Variants in IBA57 observed in about 807,000 individuals in gnomAD.
IBA57 encodes the protein iron-sulfur cluster assembly factor IBA57, mitochondrial.
In IBA57, 20 loss-of-function variants were observed where a neutral mutation model predicts 20.4. That is an observed-to-expected ratio of 0.98 (90% confidence interval 0.69 to 1.42). The LOEUF is 1.42. Among genes scored for constraint, IBA57 ranks in the 40% most tolerant of loss-of-function variants. The pLI is 0.00. For missense variants in IBA57, 608 were observed against 499.3 expected, an observed-to-expected ratio of 1.22 and a Z score of -2.07; for synonymous variants, 310 against 233.9, an observed-to-expected ratio of 1.33 and a Z score of -2.97.
intron 1 of IBA57, among the ~76,000 whole-genome samples, chr1:228,173,963 C>A (rs2034963110): frequency 6.6e-6 from 1 of 152,240 alleles, no homozygotes; most frequent in Non-Finnish European, 1.5e-5. Context: ...GCAGGGCTTT[C>A]CATGCGCTGG....
rs370043210 is a variant in IBA57 at position 228,166,166 on chromosome 1, G to A, written c.341+9G>A. 3.2e-4 allele frequency: 472 copies of A among 1,454,186 alleles called. 1 individual carries two copies. Among genetic ancestry groups the A allele is most frequent in the Middle Eastern group, 1.8e-3 (10 of 5,576 alleles). 90.1% of individuals were successfully genotyped at this position (1,454,186 alleles called of 1,614,324 possible). A position where few individuals can be genotyped will look rare whatever the true frequency, so the allele number is the denominator to read the frequency against. On this transcript the variant is annotated intron_variant, in intron 1 of 2. Transcript: ENST00000366711. ...GACGTCATCTTGTACGGGTGAGCGC[G>A]TGCTGGGAGGGCGCTCGGGGGCGGG...
At chr1:228,169,629 A>G (rs2034897867) in intron 1 of IBA57, among the ~76,000 whole-genome samples, 2 of 152,146 alleles carry the variant, frequency 1.3e-5, no homozygotes, top group Admixed American at 1.3e-4. Context: ...ATGATGACAC[A>G]TGTCTACCAT....
Position 228,165,956 on chromosome 1 carries a change from C to A in IBA57, c.140C>A (p.Ala47Asp), listed in dbSNP as rs760990228. 2.6e-6 allele frequency: 4 copies of A among 1,512,868 alleles called. No homozygotes were observed. The Admixed American group carries it at 6.1e-5, about 23-fold the overall frequency. The allele number at this position is 1,512,868 out of a possible 1,614,324, so 93.7% of individuals were successfully genotyped here. The change falls in exon 1 of 3, where the codon GCC becomes GAC. Residue 47 changes from alanine to aspartate, a missense_variant. By Grantham distance (126) the Ala-to-Asp change is moderately radical (BLOSUM62 -2). Coordinates refer to ENST00000366711, the MANE Select transcript of IBA57 (RefSeq NM_001010867.4). ...GGTGGCGACCCAACGGCCGGAGCGGCCTGGGCCTGCTTCCGGCTGGACGGG... is the reference window on the plus strand; with the variant it reads ...GGTGGCGACCCAACGGCCGGAGCGGACTGGGCCTGCTTCCGGCTGGACGGG... ...SPGGDPTAGA[A>D]WACFRLDGRT...
intron 1 of IBA57, chr1:228,172,477 C>T (rs2034943097): frequency 1.3e-5 from 2 of 152,282 alleles, no homozygotes; most frequent in Admixed American, 6.5e-5. Flanking sequence ...CACCATAGTG[C>T]CCTCAGATCC....
At position 228,179,476 on chromosome 1, in the gene IBA57, G is replaced by A. The variant is rs1290480723; in HGVS notation, c.*3963G>A. 1.3e-5 allele frequency: 2 copies of A among 152,206 alleles called. No individual in the cohort carries two copies. The highest frequency in any genetic ancestry group is 4.8e-5 in the African/African-American group (2 of 41,450). The allele number at this position is 152,206 out of a possible 1,614,324, so 9.4% of individuals were successfully genotyped here. On this transcript the variant is annotated 3_prime_UTR_variant, in exon 3 of 3. Coordinates refer to ENST00000366711, the MANE Select transcript of IBA57 (RefSeq NM_001010867.4). ...AATATGAGATGGGATGAGACAAGAAGATGGAGAGTTTAGTATGACATCCGC... is the reference window on the plus strand; with the variant it reads ...AATATGAGATGGGATGAGACAAGAAAATGGAGAGTTTAGTATGACATCCGC...
At position 228,175,351 on chromosome 1, in the gene IBA57, A is replaced by G; in HGVS notation, c.909A>G (p.Ser303=). 6.2e-7 allele frequency: 1 copy of G among 1,612,990 alleles called. No individual in the cohort carries two copies. The highest frequency in any genetic ancestry group is 8.5e-7 in the Non-Finnish European group (1 of 1,179,984). The change falls in exon 3 of 3, where the codon TCA becomes TCG. Residue 303 remains serine (S), a synonymous_variant. Coordinates refer to ENST00000366711, the MANE Select transcript of IBA57 (RefSeq NM_001010867.4). ...CTGGTGCCACGGTGCTGACTGCCTC[A>G]GGACAGACTGTGGGCAAGTTCAGGG... ...ITPGATVLTA[S]GQTVGKFRAG...
chr1:228,175,796 A>G lies in IBA57; in HGVS notation c.*283A>G. The G allele has an allele frequency of 2.9e-6, 1 of 349,630 alleles. No individual in the cohort carries two copies. Among genetic ancestry groups the G allele is most frequent in the South Asian group, 6.1e-5 (1 of 16,486 alleles). 21.7% of individuals were successfully genotyped at this position (349,630 alleles called of 1,614,324 possible). ...CGCCGGGTCCCAATCGTGGCTCCAC[A>G]CAGGGTTGTCTGGGAGGACGGGACG... On this transcript the variant is annotated 3_prime_UTR_variant, in exon 3 of 3. Transcript: ENST00000366711.
In IBA57 at chr1:228,180,843, A is replaced by C. The variant is rs1487749511; in HGVS notation, c.*5330A>C. Reference sequence around the variant, plus strand: ...TTTTTTTTTTTTTTACTTTTTGTAGAGATGGGGTTCTCACTGCATTGCCCA... The same window carrying C: ...TTTTTTTTTTTTTTACTTTTTGTAGCGATGGGGTTCTCACTGCATTGCCCA... On this transcript the variant is annotated 3_prime_UTR_variant, in exon 3 of 3. Transcript: ENST00000366711. 2.7e-5 allele frequency: 4 copies of C among 149,532 alleles called. No individual in the cohort carries two copies. In the South Asian group the frequency reaches 6.4e-4, roughly 24 times the overall value. The allele number at this position is 149,532 out of a possible 1,614,324, so 9.3% of individuals were successfully genotyped here.
Position 228,165,954 on chromosome 1 carries a change from G to C in IBA57, c.138G>C (p.Ala46=), listed in dbSNP as rs1037373507. Residue 46 remains alanine, a synonymous_variant, in exon 1 of 3, where the codon GCG becomes GCC. Transcript: ENST00000366711. Reference sequence around the variant, plus strand: ...CTGGTGGCGACCCAACGGCCGGAGCGGCCTGGGCCTGCTTCCGGCTGGACG... The same window carrying C: ...CTGGTGGCGACCCAACGGCCGGAGCCGCCTGGGCCTGCTTCCGGCTGGACG... ...CSPGGDPTAG[A]AWACFRLDGR... The C allele has an allele frequency of 2.3e-5, 34 of 1,505,954 alleles. No individual in the cohort carries two copies. The highest frequency in any genetic ancestry group is 1.5e-4 in the Admixed American group (7 of 48,098). 93.3% of individuals were successfully genotyped at this position (1,505,954 alleles called of 1,614,324 possible). A position where few individuals can be genotyped will look rare whatever the true frequency, so the allele number is the denominator to read the frequency against.
At chr1:228,174,146 T>A (rs944456794) in intron 1 of IBA57, among the ~76,000 whole-genome samples, 1 of 148,204 alleles carries the variant, frequency 6.7e-6, no homozygotes, top group Admixed American at 6.7e-5. Context: ...CGTGGCTCGC[T>A]GTGGGCGTGG....
intron 1 of IBA57, 91 bp from the exon 2 acceptor site, chr1:228,174,601 C>G: frequency 8.0e-7 from 1 of 1,251,540 alleles, no homozygotes. Context: ...CGGTGTGCTC[C>G]TCTGCCCGGG....
chr1:228,180,639 C>T lies in IBA57; in HGVS notation c.*5126C>T, dbSNP rs1429589994. ...AAGGAGAAATGAACAAACTCAAAAT[C>T]GTAGTTGGGAGTGTTTTTTTTTTTT... On this transcript the variant is annotated 3_prime_UTR_variant, in exon 3 of 3. Transcript: ENST00000366711. 1.3e-5 allele frequency: 2 copies of T among 150,386 alleles called. No individual in the cohort carries two copies. The highest frequency in any genetic ancestry group is 6.6e-5 in the Admixed American group (1 of 15,050). The allele number at this position is 150,386 out of a possible 1,614,324, so 9.3% of individuals were successfully genotyped here.
chr1:228,167,355 CT>C (rs56835417), intron 1 of IBA57, among the ~76,000 whole-genome samples: 74,417 of 123,400 alleles, frequency 0.6, 21,873 homozygotes, highest in South Asian at 0.71. Flanking sequence ...TCTGGGGCTT[CT>C]TTTTTTTTTT....
chr1:228,178,017 G>T lies in IBA57; in HGVS notation c.*2504G>T, dbSNP rs74142627. 1 of 152,274 alleles carries T rather than the reference G, an allele frequency of 6.6e-6. No individual in the cohort carries two copies. Among genetic ancestry groups the T allele is most frequent in the Admixed American group, 6.5e-5 (1 of 15,286 alleles). 9.4% of individuals were successfully genotyped at this position (152,274 alleles called of 1,614,324 possible). ...AAACATAGGAAGTTCGTGTGTGTGT[G>T]TGTGTGTGTGAATTCAAGGCATAAG... On this transcript the variant is annotated 3_prime_UTR_variant, in exon 3 of 3. Coordinates refer to ENST00000366711, the MANE Select transcript of IBA57 (RefSeq NM_001010867.4).
rs1439553503 is a variant in IBA57 at position 228,179,041 on chromosome 1, G to T, written c.*3528G>T. The T allele has an allele frequency of 6.6e-6, 1 of 152,070 alleles. No individual in the cohort carries two copies. Among genetic ancestry groups the T allele is most frequent in the African/African-American group, 2.4e-5 (1 of 41,410 alleles). The allele number at this position is 152,070 out of a possible 1,614,324, so 9.4% of individuals were successfully genotyped here. A position where few individuals can be genotyped will look rare whatever the true frequency, so the allele number is the denominator to read the frequency against. On this transcript the variant is annotated 3_prime_UTR_variant, in exon 3 of 3. Transcript: ENST00000366711. The stretch of plus-strand genomic sequence containing the variant: ...CGCACACCCAGCTGGGCCCTTATCT[G>T]TAAGGACTGGCTGGCCTGGGAGGGG...
rs763581243 is a variant in IBA57 at position 228,175,467 on chromosome 1, C to T, written c.1025C>T (p.Ala342Val). 2.5e-6 allele frequency: 4 copies of T among 1,599,870 alleles called. No homozygotes were observed. In the Admixed American group the frequency reaches 6.8e-5, roughly 27 times the overall value. Residue 342 changes from alanine (A) to valine (V), a missense_variant, in exon 3 of 3, where the codon GCC becomes GTC. By Grantham distance (64) the Ala-to-Val change is moderately conservative (BLOSUM62 0). Coordinates refer to ENST00000366711, the MANE Select transcript of IBA57 (RefSeq NM_001010867.4). ...AGAGCCTCTGAGGGTGCCCAGGTGG[C>T]CTTAGCCGCATCTGTGCCAGACTGG... The part of the protein sequence containing the change: ...HIRASEGAQV[A>V]LAASVPDWWP...
chr1:228,165,911 C>T lies in IBA57; in HGVS notation c.95C>T (p.Ala32Val), dbSNP rs1477800433. 1.2e-5 allele frequency: 18 copies of T among 1,460,400 alleles called. 1 individual carries two copies. The highest frequency in any genetic ancestry group is 1.4e-5 in the Non-Finnish European group (15 of 1,110,506). The allele number at this position is 1,460,400 out of a possible 1,614,324, so 90.5% of individuals were successfully genotyped here. A position where few individuals can be genotyped will look rare whatever the true frequency, so the allele number is the denominator to read the frequency against. Residue 32 changes from alanine (A) to valine (V), a missense_variant, in exon 1 of 3, where the codon GCC becomes GTC. Coordinates refer to ENST00000366711, the MANE Select transcript of IBA57 (RefSeq NM_001010867.4). ...CGCGCGGCCCCAAGGTGCCGCCTGG[C>T]CCACAGCTCCTGCAGTCCTGGTGGC... ...RLRAAPRCRL[A>V]HSSCSPGGDP...
rs1440299954 is a variant in IBA57 at position 228,170,540 on chromosome 1, G to T, written c.342-4152G>T. Reference sequence around the variant, plus strand: ...ACTCCTGGGCTCAGGCGATTCTCCTGCCTCAGCTTCACAAAGTGTTGGGAT... The same window carrying T: ...ACTCCTGGGCTCAGGCGATTCTCCTTCCTCAGCTTCACAAAGTGTTGGGAT... On this transcript the variant is annotated intron_variant, in intron 1 of 2. Coordinates refer to ENST00000366711, the MANE Select transcript of IBA57 (RefSeq NM_001010867.4). This position sits in a 1 kb window ranked among gnomAD's most constrained non-coding sequence, Gnocchi z 4.8. Among the ~76,000 whole-genome samples the T allele has an allele frequency of 6.6e-6, 1 of 152,124 alleles. No individual in the cohort carries two copies. The highest frequency in any genetic ancestry group is 1.5e-5 in the Non-Finnish European group (1 of 68,032).
In IBA57 at chr1:228,181,622, A is replaced by G. The variant is rs758697859; in HGVS notation, c.*6109A>G. ...ACATACATTTTCCTGTCTTTCTGGT[A>G]AGCCCCTGGGGTGGAGCTCTGGGCC... On this transcript the variant is annotated 3_prime_UTR_variant, in exon 3 of 3. Coordinates refer to ENST00000366711, the MANE Select transcript of IBA57 (RefSeq NM_001010867.4). 3 of 152,254 alleles carry G rather than the reference A, an allele frequency of 2.0e-5. No individual in the cohort carries two copies. The highest frequency in any genetic ancestry group is 4.4e-5 in the Non-Finnish European group (3 of 68,056). 9.4% of individuals were successfully genotyped at this position (152,254 alleles called of 1,614,324 possible). A position where few individuals can be genotyped will look rare whatever the true frequency, so the allele number is the denominator to read the frequency against.
Sources: gnomAD v4.1 joint callset for allele counts (sites outside exome capture counted in the v4.1 genomes callset) on GRCh38, gnomAD v4.1.1 for gene constraint, Gnocchi (gnomAD v3.1) non-coding constraint, MANE v1.5 for transcripts, NCBI Gene and HGNC (gene_info 2026-07-23, HGNC 2026-07-21) for gene names.